Variants in SEMA3E observed in about 807,000 individuals in gnomAD.
SEMA3E encodes the protein semaphorin-3E.
A neutral mutation model predicts 93.6 loss-of-function variants in SEMA3E; 49 were observed. The ratio of observed to expected loss-of-function variants is 0.52; its 90% CI spans 0.42 to 0.66. SEMA3E has a LOEUF of 0.66. SEMA3E is among the 30% of genes least tolerant of loss of function. The pLI, the probability that SEMA3E is intolerant of heterozygous loss-of-function variation, is 0.00. For synonymous variants in SEMA3E, 363 were observed against 330.7 expected (o/e 1.10, Z -1.06); for missense variants, 906 against 964.8 (o/e 0.94, Z 0.81).
chr7:83,374,898 C>T (rs1411862876), intron 16 of SEMA3E, among the ~76,000 whole-genome samples: 3 of 151,498 alleles, frequency 2.0e-5, no homozygotes, highest in Admixed American at 2.0e-4. Flanking sequence ...TAAACTAAAT[C>T]GTATGATTAA....
At chr7:83,400,277 C>A (rs1325011762) in intron 10 of SEMA3E, 27 bp from the exon 11 acceptor site, 1 of 1,603,550 alleles carries the variant, frequency 6.2e-7, no homozygotes, top group Admixed American at 1.7e-5. Context: ...TCAGATAATT[C>A]TTTTTGCTTT....
At chr7:83,424,960 C>A in intron 4 of SEMA3E, 1 of 262,872 alleles carries the variant, frequency 3.8e-6, no homozygotes. Flanking sequence ...TCTCCAGTGA[C>A]AATGTAGCTG....
chr7:83,428,919 G>A (rs1584242606), intron 4 of SEMA3E, among the ~76,000 whole-genome samples: 1 of 152,290 alleles, frequency 6.6e-6, no homozygotes, highest in East Asian at 1.9e-4. Flanking sequence ...GAGGCAGGGT[G>A]AGGCTTGGCA....
chr7:83,467,305 G>A (rs1032952374), intron 3 of SEMA3E, among the ~76,000 whole-genome samples: 7 of 152,222 alleles, frequency 4.6e-5, no homozygotes, highest in African/African-American at 1.7e-4. Context: ...GGGCTCAAGC[G>A]ATCTGCCTGC....
chr7:83,470,116 T>C (rs1168174225), intron 2 of SEMA3E, among the ~76,000 whole-genome samples: 2 of 152,198 alleles, frequency 1.3e-5, no homozygotes, highest in Non-Finnish European at 2.9e-5. Flanking sequence ...AAGTTTTAAT[T>C]GTATTTTAAG....
intron 11 of SEMA3E, among the ~76,000 whole-genome samples, chr7:83,397,540 T>C (rs1385478520): frequency 6.6e-6 from 1 of 152,142 alleles, no homozygotes. Flanking sequence ...TATACACCAT[T>C]GAGAGAAGTG....
intron 4 of SEMA3E, among the ~76,000 whole-genome samples, chr7:83,430,955 T>C (rs936936793): frequency 6.6e-6 from 1 of 152,070 alleles, no homozygotes; most frequent in Admixed American, 6.5e-5. Flanking sequence ...GCAAAGTTCA[T>C]TACACAAAAT....
intron 4 of SEMA3E, among the ~76,000 whole-genome samples, chr7:83,441,222 T>C (rs1373207504): frequency 6.6e-6 from 1 of 152,118 alleles, no homozygotes; most frequent in East Asian, 1.9e-4. Context: ...TGGGGAAAAG[T>C]TAGGTTACAA....
chr7:83,578,130 T>A (rs1329234437), intron 1 of SEMA3E, among the ~76,000 whole-genome samples: 1 of 140,286 alleles, frequency 7.1e-6, no homozygotes, highest in Non-Finnish European at 1.5e-5. Context: ...CAGTAATGAC[T>A]GTGAGAGTTT....
At chr7:83,402,000 A>G (rs1289202519) in intron 10 of SEMA3E, among the ~76,000 whole-genome samples, 1 of 152,080 alleles carries the variant, frequency 6.6e-6, no homozygotes, top group Non-Finnish European at 1.5e-5. Flanking sequence ...CTTCATGCCT[A>G]GCTAAGAAGA....
chr7:83,389,258 C>T (rs2116922231), intron 14 of SEMA3E, among the ~76,000 whole-genome samples: 1 of 152,140 alleles, frequency 6.6e-6, no homozygotes, highest in African/African-American at 2.4e-5. Context: ...GTTAATCCCT[C>T]ACTTTGTTGA....
At chr7:83,604,427 C>A (rs7787061) in intron 1 of SEMA3E, among the ~76,000 whole-genome samples, 62,483 of 148,744 alleles carry the variant, frequency 0.42, 13,645 homozygotes, top group African/African-American at 0.55. Flanking sequence ...TTTTCTCTCT[C>A]TATATATATA....
chr7:83,589,159 C>T (rs1462338882), intron 1 of SEMA3E, among the ~76,000 whole-genome samples: 1 of 152,146 alleles, frequency 6.6e-6, no homozygotes, highest in East Asian at 1.9e-4. Flanking sequence ...TAATTTGACT[C>T]CATCTTTATT....
chr7:83,534,287 A>G (rs999012339), intron 1 of SEMA3E, among the ~76,000 whole-genome samples: 4 of 152,172 alleles, frequency 2.6e-5, no homozygotes, highest in Non-Finnish European at 4.4e-5. Context: ...AGGCTCAGGC[A>G]TTAGGATTTT....
chr7:83,461,413 T>G (rs1032831422), intron 4 of SEMA3E, among the ~76,000 whole-genome samples: 8 of 152,128 alleles, frequency 5.3e-5, no homozygotes, highest in African/African-American at 1.9e-4. Flanking sequence ...TATAATCTTT[T>G]TGTCACCTCC....
intron 4 of SEMA3E, among the ~76,000 whole-genome samples, chr7:83,454,803 T>C (rs1034983199): frequency 2.0e-5 from 3 of 152,210 alleles, no homozygotes; most frequent in Admixed American, 6.5e-5. Context: ...GTAACACATA[T>C]GACTTTAAAA....
chr7:83,581,138 C>G (rs540586307), intron 1 of SEMA3E, among the ~76,000 whole-genome samples: 3 of 152,102 alleles, frequency 2.0e-5, no homozygotes, highest in Non-Finnish European at 2.9e-5. Context: ...TAAGACATAA[C>G]TTCACAAGAT....
intron 4 of SEMA3E, among the ~76,000 whole-genome samples, chr7:83,422,452 C>T (rs1788685295): frequency 6.6e-6 from 1 of 152,118 alleles, no homozygotes; most frequent in South Asian, 2.1e-4. Context: ...GAAGAAGTTT[C>T]ACCAAAATTT....
At chr7:83,468,961 A>G (rs1236108362) in intron 3 of SEMA3E, among the ~76,000 whole-genome samples, 1 of 152,218 alleles carries the variant, frequency 6.6e-6, no homozygotes, top group Middle Eastern at 3.2e-3. Context: ...TCTGCCAAAT[A>G]CATGAGAAAT....
Sources: gnomAD v4.1 joint callset for allele counts (sites outside exome capture counted in the v4.1 genomes callset) on GRCh38, gnomAD v4.1.1 for gene constraint, MANE v1.5 for transcripts, NCBI Gene and HGNC (gene_info 2026-07-23, HGNC 2026-07-21) for gene names.